GXYLT2: variants seen among roughly 807,000 people sequenced by gnomAD.
GXYLT2 encodes the protein glycosyltransferase 8 domain containing 4.
A neutral mutation model predicts 45.8 loss-of-function variants in GXYLT2; 53 were observed. The observed-to-expected ratio is 1.16, with a 90% confidence interval of 0.93 to 1.46. The LOEUF is 1.46. Ranked by LOEUF, GXYLT2 falls within the 40% of genes most tolerant of loss-of-function variation. The pLI is 0.00. For missense variants in GXYLT2, 551 were observed against 544.4 expected, an observed-to-expected ratio of 1.01 and a Z score of -0.12; for synonymous variants, 219 against 214.2, an observed-to-expected ratio of 1.02 and a Z score of -0.19.
intron 3 of GXYLT2, among the ~76,000 whole-genome samples, chr3:72,941,676 C>T (rs150594928): frequency 8.5e-5 from 13 of 152,060 alleles, no homozygotes; most frequent in East Asian, 1.9e-4. Flanking sequence ...CACACATGCC[C>T]GCACAGTCCT....
chr3:72,957,413 A>C (rs537856709), intron 5 of GXYLT2, 61 bp downstream of exon 5: 1 of 1,497,984 alleles, frequency 6.7e-7, no homozygotes, highest in Non-Finnish European at 9.1e-7. Flanking sequence ...CCCACGGAGC[A>C]CATTCCATGC....
At chr3:72,960,979 T>G (rs1420052834) in intron 5 of GXYLT2, among the ~76,000 whole-genome samples, 1 of 152,210 alleles carries the variant, frequency 6.6e-6, no homozygotes, top group Non-Finnish European at 1.5e-5. Context: ...GTCTTGTATC[T>G]GATAACACCG....
Position 72,906,425 on chromosome 3 carries a change from C to T in GXYLT2, c.276-1942C>T, listed in dbSNP as rs192130814. On this transcript the variant is annotated intron_variant, in intron 1 of 6. Transcript: ENST00000389617. The stretch of plus-strand genomic sequence containing the variant: ...CTGTAGGGAATATACTGCCCCAGCC[C>T]GCCAGCCACTCCTGGCACCCCCATC... 7.8e-3 allele frequency among the ~76,000 whole-genome samples: 1,183 copies of T among 152,256 alleles called. 10 individuals are homozygous for T. Among genetic ancestry groups the T allele is most frequent in the Non-Finnish European group, 0.013 (898 of 68,026 alleles).
At chr3:72,958,846 G>C (rs531910741) in intron 5 of GXYLT2, among the ~76,000 whole-genome samples, 1 of 151,922 alleles carries the variant, frequency 6.6e-6, no homozygotes, top group African/African-American at 2.4e-5. Context: ...TGGCCAGGCT[G>C]GTCTCGAGCT....
At chr3:72,909,062 CTTTTTTTT>C (rs71126804) in intron 2 of GXYLT2, among the ~76,000 whole-genome samples, 10 of 91,114 alleles carry the variant, frequency 1.1e-4, no homozygotes, top group Non-Finnish European at 1.7e-4. Context: ...TTCTTCCTTT[CTTTTTTTT>C]TTTTTTTTTT....
intron 3 of GXYLT2, among the ~76,000 whole-genome samples, chr3:72,940,368 A>C (rs1710276579): frequency 6.6e-6 from 1 of 152,216 alleles, no homozygotes; most frequent in Non-Finnish European, 1.5e-5. Context: ...CAAGTAAATT[A>C]GTTAATTTCA....
intron 3 of GXYLT2, among the ~76,000 whole-genome samples, chr3:72,953,774 T>G (rs1710573403): frequency 6.6e-6 from 1 of 152,186 alleles, no homozygotes; most frequent in Admixed American, 6.5e-5. Flanking sequence ...TTGCATTGCC[T>G]AATCCCAAGA....
At chr3:72,954,001 C>G (rs910448934) in intron 3 of GXYLT2, among the ~76,000 whole-genome samples, 2 of 152,100 alleles carry the variant, frequency 1.3e-5, no homozygotes, top group Non-Finnish European at 2.9e-5. Context: ...TGAGGTGGGA[C>G]GACCACTTGA....
At chr3:72,904,115 C>G (rs1709457982) in intron 1 of GXYLT2, among the ~76,000 whole-genome samples, 3 of 152,230 alleles carry the variant, frequency 2.0e-5, no homozygotes, top group Admixed American at 2.0e-4. Context: ...AATGTTCACT[C>G]CAGTCCCCTT....
chr3:72,904,815 C>A (rs879775452), intron 1 of GXYLT2, among the ~76,000 whole-genome samples: 1 of 147,628 alleles, frequency 6.8e-6, no homozygotes, highest in Non-Finnish European at 1.5e-5. Flanking sequence ...CCAAGGTGGG[C>A]GGATCACTTG....
At chr3:72,898,191 T>A (rs768123755) in intron 1 of GXYLT2, among the ~76,000 whole-genome samples, 1 of 152,160 alleles carries the variant, frequency 6.6e-6, no homozygotes, top group Non-Finnish European at 1.5e-5. Context: ...AAATTAAAAA[T>A]CCCTTGATGG....
intron 3 of GXYLT2, among the ~76,000 whole-genome samples, chr3:72,927,499 T>G (rs1251382935): frequency 6.6e-6 from 1 of 152,200 alleles, no homozygotes; most frequent in Admixed American, 6.5e-5. Context: ...TGTAGGCTAA[T>G]GGAAAAAGGA....
chr3:72,969,017 G>A (rs528699754), intron 6 of GXYLT2, among the ~76,000 whole-genome samples: 1 of 152,050 alleles, frequency 6.6e-6, no homozygotes, highest in Admixed American at 6.6e-5. Context: ...CTTGCAGGGA[G>A]CTGAGATGGC....
intron 3 of GXYLT2, among the ~76,000 whole-genome samples, chr3:72,953,360 G>A (rs1018408580): frequency 3.3e-5 from 5 of 152,020 alleles, no homozygotes; most frequent in Non-Finnish European, 5.9e-5. Context: ...TGTGATCTTG[G>A]CTCACTGCAA....
chr3:72,925,086 C>T (rs545644450), intron 3 of GXYLT2, among the ~76,000 whole-genome samples: 2 of 152,170 alleles, frequency 1.3e-5, no homozygotes, highest in Admixed American at 6.5e-5. Context: ...AGAATAAACC[C>T]TGGATGAATT....
At chr3:72,967,481 G>A (rs1575818410) in intron 5 of GXYLT2, 66 bp from the exon 6 acceptor site, 19 of 1,203,924 alleles carry the variant, frequency 1.6e-5, no homozygotes, top group South Asian at 1.2e-4. Context: ...CAGTTTAATC[G>A]TGCCACATGT....
chr3:72,897,717 G>T (rs1245833301), intron 1 of GXYLT2, among the ~76,000 whole-genome samples: 18 of 152,188 alleles, frequency 1.2e-4, no homozygotes, highest in African/African-American at 4.3e-4. Flanking sequence ...GAAACTGAGG[G>T]CTAAAGGTGG....
At chr3:72,928,819 G>A (rs1397026614) in intron 3 of GXYLT2, among the ~76,000 whole-genome samples, 4 of 152,030 alleles carry the variant, frequency 2.6e-5, no homozygotes, top group Non-Finnish European at 5.9e-5. Context: ...AAATTAAAAT[G>A]CTCTATTAGA....
chr3:72,937,029 G>A (rs1390429245), intron 3 of GXYLT2, among the ~76,000 whole-genome samples: 1 of 152,150 alleles, frequency 6.6e-6, no homozygotes, highest in Non-Finnish European at 1.5e-5. Context: ...AGAGAATATG[G>A]TGGAGGACAT....
Sources: gnomAD v4.1 joint callset for allele counts (sites outside exome capture counted in the v4.1 genomes callset) on GRCh38, gnomAD v4.1.1 for gene constraint, MANE v1.5 for transcripts, NCBI Gene and HGNC (gene_info 2026-07-23, HGNC 2026-07-21) for gene names.